The following MAN1C1 variants were observed in gnomAD, a reference collection of about 807,000 sequenced individuals.
The protein encoded by MAN1C1 is mannosidase alpha class 1C member 1, also known as mannosyl-oligosaccharide 1,2-alpha-mannosidase IC.
In MAN1C1, 49 loss-of-function variants were observed where a neutral mutation model predicts 71.5. That is an observed-to-expected ratio of 0.69 (90% CI 0.54 to 0.87). The LOEUF is 0.87. MAN1C1 is among the 40% of genes least tolerant of loss of function. MAN1C1 has a pLI of 0.00. For missense variants in MAN1C1, 743 were observed against 835.0 expected (o/e 0.89, Z 1.36); for synonymous variants, 352 against 343.7 (o/e 1.02, Z -0.27).
intron 2 of MAN1C1, among the ~76,000 whole-genome samples, chr1:25,714,184 G>T (rs1346883909): frequency 6.6e-6 from 1 of 152,186 alleles, no homozygotes; most frequent in Non-Finnish European, 1.5e-5. Context: ...CTGCAAATGT[G>T]TCTCTTCGGT....
At position 25,782,534 on chromosome 1, in the gene MAN1C1, T is replaced by C; in HGVS notation, c.1651-51T>C. 7.6e-7 allele frequency: 1 copy of C among 1,322,658 alleles called. No homozygotes were observed. 81.9% of individuals were successfully genotyped at this position (1,322,658 alleles called of 1,614,324 possible). ...AGGCATGCACAAGTCTTGAGGGGCC[T>C]TTCCTGTCCCGTGTTAAGGCTGTTT... On this transcript the variant is annotated intron_variant, in intron 10 of 11. Transcript: ENST00000374332. This position sits in a 1 kb window ranked among gnomAD's most constrained non-coding sequence, Gnocchi z 4.4.
chr1:25,625,407 G>T (rs1278774644), intron 1 of MAN1C1, among the ~76,000 whole-genome samples: 4 of 152,268 alleles, frequency 2.6e-5, no homozygotes, highest in Non-Finnish European at 5.9e-5. Flanking sequence ...ATCTCAGAAA[G>T]TTCCTTTGCT....
At position 25,631,930 on chromosome 1, in the gene MAN1C1, C is replaced by T. The variant is rs889344558; in HGVS notation, c.540+13593C>T. Among the ~76,000 whole-genome samples, 2 of 152,116 alleles carry T rather than the reference C, an allele frequency of 1.3e-5. No individual in the cohort carries two copies. The highest frequency in any genetic ancestry group is 2.4e-5 in the African/African-American group (1 of 41,412). Reference sequence around the variant, plus strand: ...GGGACTACAGGTGCATGCCACTACGCACGGCTAATTTTTGTATTTTTTGTA... The same window carrying T: ...GGGACTACAGGTGCATGCCACTACGTACGGCTAATTTTTGTATTTTTTGTA... On this transcript the variant is annotated intron_variant, in intron 1 of 11. Transcript: ENST00000374332. The surrounding 1 kb of genome is among the most constrained non-coding windows in gnomAD (Gnocchi z 4.2).
At chr1:25,762,252 G>C (rs1460159847) in intron 6 of MAN1C1, among the ~76,000 whole-genome samples, 1 of 150,628 alleles carries the variant, frequency 6.6e-6, no homozygotes, top group Non-Finnish European at 1.5e-5. Context: ...TCAGCCTCCT[G>C]AGTAGCTGGG....
Position 25,782,814 on chromosome 1 carries a change from G to C in MAN1C1, c.1766+114G>C. 1 of 787,204 alleles carries C rather than the reference G, an allele frequency of 1.3e-6. No homozygotes were observed. Among genetic ancestry groups the C allele is most frequent in the Admixed American group, 2.3e-5 (1 of 42,830 alleles). 48.8% of individuals were successfully genotyped at this position (787,204 alleles called of 1,614,324 possible). A position where few individuals can be genotyped will look rare whatever the true frequency, so the allele number is the denominator to read the frequency against. On this transcript the variant is annotated intron_variant, in intron 11 of 11. Transcript: ENST00000374332. The surrounding 1 kb of genome is among the most constrained non-coding windows in gnomAD (Gnocchi z 4.4). ...TGGTCACAGGACGGGAGCCCAAAAGGGGTGAAGGGCTTGGGATCCAGAGGG... is the reference window on the plus strand; with the variant it reads ...TGGTCACAGGACGGGAGCCCAAAAGCGGTGAAGGGCTTGGGATCCAGAGGG...
chr1:25,651,869 G>T (rs1409888283), intron 1 of MAN1C1, among the ~76,000 whole-genome samples: 1 of 152,214 alleles, frequency 6.6e-6, no homozygotes, highest in Non-Finnish European at 1.5e-5. Flanking sequence ...AAGCAACTAA[G>T]TCCTGTTCCA....
At chr1:25,654,832 A>G (rs1029200919) in intron 1 of MAN1C1, among the ~76,000 whole-genome samples, 1 of 152,066 alleles carries the variant, frequency 6.6e-6, no homozygotes, top group Admixed American at 6.6e-5. Context: ...TTTTTAGTAG[A>G]GACGGGGTTT....
At chr1:25,683,110 C>T (rs1361697414) in intron 1 of MAN1C1, among the ~76,000 whole-genome samples, 1 of 152,016 alleles carries the variant, frequency 6.6e-6, no homozygotes, top group Non-Finnish European at 1.5e-5. Context: ...ACTGCCTAAG[C>T]ATGACAGCAG....
intron 1 of MAN1C1, among the ~76,000 whole-genome samples, chr1:25,632,038 A>C (rs139132365): frequency 0.019 from 2,919 of 152,288 alleles, 95 homozygotes; most frequent in African/African-American, 0.066. Flanking sequence ...TTGGCCTCCC[A>C]AAGTGTTGGG....
At chr1:25,750,235 G>A (rs546635774) in intron 4 of MAN1C1, among the ~76,000 whole-genome samples, 2 of 152,188 alleles carry the variant, frequency 1.3e-5, no homozygotes, top group East Asian at 1.9e-4. Context: ...TCCTCCCTGC[G>A]AGAGAATTTT....
rs2047670758 is a variant in MAN1C1, at chr1:25,779,866, A to C, written c.1478-1074A>C. On this transcript the variant is annotated intron_variant, in intron 9 of 11. Transcript: ENST00000374332. This position sits in a 1 kb window ranked among gnomAD's most constrained non-coding sequence, Gnocchi z 4.6. ...CAACCTAGGGCCTCTCAGGGTTTTG[A>C]ACCCTGGTAGTAGGGAAGAGGGCTC... 6.6e-6 allele frequency among the ~76,000 whole-genome samples: 1 copy of C among 152,188 alleles called. No homozygotes were observed. The highest frequency in any genetic ancestry group is 2.1e-4 in the South Asian group (1 of 4,822).
chr1:25,683,847 G>A (rs2744775), intron 1 of MAN1C1, among the ~76,000 whole-genome samples: 33,331 of 152,044 alleles, frequency 0.22, 6,233 homozygotes, highest in African/African-American at 0.51. Context: ...GGCCGGAGTC[G>A]GGAGGCACGT....
At chr1:25,699,801 C>A (rs2046414950) in intron 2 of MAN1C1, among the ~76,000 whole-genome samples, 1 of 152,224 alleles carries the variant, frequency 6.6e-6, no homozygotes, top group African/African-American at 2.4e-5. Flanking sequence ...TGGCCCCATG[C>A]CGGCCCCACA....
intron 1 of MAN1C1, among the ~76,000 whole-genome samples, chr1:25,650,464 C>T (rs2045676406): frequency 6.6e-6 from 1 of 152,170 alleles, no homozygotes; most frequent in African/African-American, 2.4e-5. Context: ...AGTCTACTTC[C>T]ACGTAACTCT....
At chr1:25,660,392 A>AT (rs2045828629) in intron 1 of MAN1C1, among the ~76,000 whole-genome samples, 1 of 135,172 alleles carries the variant, frequency 7.4e-6, no homozygotes, top group East Asian at 2.1e-4. Context: ...CAAGAGTGAA[A>AT]TTCCTTTTTT....
intron 2 of MAN1C1, among the ~76,000 whole-genome samples, chr1:25,691,907 T>C (rs1327864042): frequency 1.3e-5 from 2 of 151,642 alleles, no homozygotes; most frequent in African/African-American, 4.9e-5. Context: ...TGAAAGTACT[T>C]AACAGATATC....
Position 25,679,937 on chromosome 1 carries a change from C to CAAAA in MAN1C1, c.541-6492_541-6489dup, listed in dbSNP as rs1237281245. On this transcript the variant is annotated intron_variant, in intron 1 of 11. Transcript: ENST00000374332. Reference sequence around the variant, plus strand: ...AGGTGACACAGCAAGACCTCTGTCTCAAAAAAAAAAAAAATATATATATAT... The same window carrying CAAAA: ...AGGTGACACAGCAAGACCTCTGTCTCAAAAAAAAAAAAAAAAAATATATATATAT... Among the ~76,000 whole-genome samples, 244 of 85,736 alleles carry CAAAA rather than the reference C, an allele frequency of 2.8e-3. 2 individuals are homozygous for CAAAA. Among genetic ancestry groups the CAAAA allele is most frequent in the East Asian group, 9.7e-3 (27 of 2,784 alleles). 56.2% of individuals were successfully genotyped at this position (85,736 alleles called of 152,430 possible). A position where few individuals can be genotyped will look rare whatever the true frequency, so the allele number is the denominator to read the frequency against.
At chr1:25,650,269 G>T (rs148763157) in intron 1 of MAN1C1, among the ~76,000 whole-genome samples, 103 of 149,922 alleles carry the variant, frequency 6.9e-4, no homozygotes, top group Admixed American at 2.0e-3. Flanking sequence ...TATTTCTCTG[G>T]CTCTAAAGGG....
At chr1:25,662,913 G>C (rs1045329486) in intron 1 of MAN1C1, among the ~76,000 whole-genome samples, 10 of 152,010 alleles carry the variant, frequency 6.6e-5, no homozygotes, top group Non-Finnish European at 1.3e-4. Context: ...ACAAAAATTA[G>C]CTGGGTGTGA....
Sources: gnomAD v4.1 joint callset for allele counts (sites outside exome capture counted in the v4.1 genomes callset) on GRCh38, gnomAD v4.1.1 for gene constraint, Gnocchi (gnomAD v3.1) non-coding constraint, MANE v1.5 for transcripts, NCBI Gene and HGNC (gene_info 2026-07-23, HGNC 2026-07-21) for gene names.